Variants in UGT1A6 observed in about 807,000 individuals in gnomAD.
UGT1A6 encodes the protein UDP-glucuronosyltransferase 1A6.
A neutral mutation model predicts 44.4 loss-of-function variants in UGT1A6; 32 were observed. The ratio of observed to expected loss-of-function variants is 0.72; its 90% confidence interval spans 0.54 to 0.97. UGT1A6 has a LOEUF of 0.97. Ranked by LOEUF, UGT1A6 falls within the 50% of genes least tolerant of loss-of-function variation. UGT1A6 has a pLI of 0.00. For missense variants in UGT1A6, 685 were observed against 661.9 expected (o/e 1.03, Z -0.38); for synonymous variants, 238 against 248.5 (o/e 0.96, Z 0.40).
At chr2:233,724,602 G>A (rs1229954806) in intron 1 of UGT1A6, among the ~76,000 whole-genome samples, 3 of 135,486 alleles carry the variant, frequency 2.2e-5, no homozygotes, top group Admixed American at 7.3e-5. Flanking sequence ...CAGACGATGG[G>A]CGGCCGGGCA....
chr2:233,763,841 T>C (rs1452550547), intron 1 of UGT1A6, among the ~76,000 whole-genome samples: 1 of 152,178 alleles, frequency 6.6e-6, no homozygotes, highest in Admixed American at 6.5e-5. Context: ...CAGGGTAAGA[T>C]AGCAGTGGTT....
intron 1 of UGT1A6, among the ~76,000 whole-genome samples, chr2:233,765,584 C>A (rs1030389138): frequency 6.6e-6 from 1 of 151,846 alleles, no homozygotes; most frequent in African/African-American, 2.4e-5. Context: ...GGGAGGGGAA[C>A]AACACACACC....
At chr2:233,765,606 C>G (rs4663971) in intron 1 of UGT1A6, among the ~76,000 whole-genome samples, 75,263 of 151,312 alleles carry the variant, frequency 0.5, 19,319 homozygotes, top group African/African-American at 0.62. Context: ...GGGCTTGTGG[C>G]GGGGTGAGGG....
chr2:233,745,687 G>A (rs1693175005), intron 1 of UGT1A6, among the ~76,000 whole-genome samples: 1 of 150,802 alleles, frequency 6.6e-6, no homozygotes, highest in Non-Finnish European at 1.5e-5. Context: ...ATCAAAGCAA[G>A]TTTGGAGAAC....
chr2:233,772,858 A>G lies in UGT1A6; in HGVS notation c.*299A>G, dbSNP rs966644080. The G allele has an allele frequency of 2.8e-5, 20 of 719,678 alleles. No homozygotes were observed. The Admixed American group carries it at 5.6e-4, about 20-fold the overall frequency. 44.6% of individuals were successfully genotyped at this position (719,678 alleles called of 1,614,324 possible). ...TAGATTACTTTTCTTACTCTGAAAC[A>G]TGGCCTGTTTGGGAGTGCGGGATTC... On this transcript the variant is annotated 3_prime_UTR_variant, in exon 5 of 5. Coordinates refer to ENST00000305139, the MANE Select transcript of UGT1A6 (RefSeq NM_001072.4).
chr2:233,729,177 G>C, intron 1 of UGT1A6: 1 of 1,613,894 alleles, frequency 6.2e-7, no homozygotes, highest in Non-Finnish European at 8.5e-7. Flanking sequence ...CAGGACTGCT[G>C]CTTCTCCTCA....
intron 4 of UGT1A6, chr2:233,770,249 C>T (rs1368624656): frequency 1.3e-5 from 2 of 152,160 alleles, no homozygotes; most frequent in Non-Finnish European, 2.9e-5. Flanking sequence ...TTCCAACACT[C>T]TGAGCTGGGG....
rs1187265864 is a variant in UGT1A6 at position 233,756,550 on chromosome 2, C to T, written c.862-10484C>T. Among the ~76,000 whole-genome samples the T allele has an allele frequency of 2.0e-5, 3 of 152,052 alleles. No homozygotes were observed. In the South Asian group the frequency reaches 6.2e-4, roughly 32 times the overall value. On this transcript the variant is annotated intron_variant, in intron 1 of 4. Transcript: ENST00000305139. ...TCACTTTTCTTGACTGCTAAAACAA[C>T]CAGGGAGATCCTCTCAGACAAAAGG...
chr2:233,701,871 A>G (rs2075656901), intron 1 of UGT1A6, among the ~76,000 whole-genome samples: 1 of 152,172 alleles, frequency 6.6e-6, no homozygotes, highest in Non-Finnish European at 1.5e-5. Flanking sequence ...TTATAGCACT[A>G]AATGCCCACA....
intron 1 of UGT1A6, chr2:233,729,751 C>G (rs1485305910): frequency 6.2e-7 from 1 of 1,614,002 alleles, no homozygotes; most frequent in Middle Eastern, 1.7e-4. Flanking sequence ...GACATTCATG[C>G]AAAGGGTCAA....
At chr2:233,731,284 C>CTTTTTTTTTT (rs78127606) in intron 1 of UGT1A6, among the ~76,000 whole-genome samples, 4 of 139,758 alleles carry the variant, frequency 2.9e-5, no homozygotes, top group Non-Finnish European at 3.2e-5. Context: ...GTTTTTCTTT[C>CTTTTTTTTTT]TTTTTTTTTT....
chr2:233,740,930 T>G (rs1298950917), intron 1 of UGT1A6: 2 of 151,696 alleles, frequency 1.3e-5, no homozygotes, highest in African/African-American at 2.4e-5. Flanking sequence ...ACAAAAAGTT[T>G]TTTTTTTAAT....
Position 233,768,287 on chromosome 2 carries a change from T to C in UGT1A6, c.1149T>C (p.Asn383=), listed in dbSNP as rs1256701591. ...ATGGTGTTTATGAAAGCATATGCAA[T>C]GGCGTTCCCATGGTGATGATGCCCT... ...GSHGVYESIC[N]GVPMVMMPLF... Residue 383 remains asparagine (N), a synonymous_variant, in exon 4 of 5, where the codon AAT becomes AAC. Coordinates refer to ENST00000305139, the MANE Select transcript of UGT1A6 (RefSeq NM_001072.4). 1 of 1,614,056 alleles carries C rather than the reference T, an allele frequency of 6.2e-7. No homozygotes were observed. Among genetic ancestry groups the C allele is most frequent in the Non-Finnish European group, 8.5e-7 (1 of 1,180,042 alleles).
intron 1 of UGT1A6, among the ~76,000 whole-genome samples, chr2:233,739,561 C>T (rs1384558605): frequency 1.3e-5 from 2 of 152,192 alleles, no homozygotes; most frequent in African/African-American, 4.8e-5. Flanking sequence ...TAATGACTGC[C>T]CTGCCTGGTT....
intron 1 of UGT1A6, among the ~76,000 whole-genome samples, chr2:233,706,749 AGT>A (rs2075921847): frequency 2.0e-5 from 3 of 152,182 alleles, no homozygotes. Context: ...TGTGAAGCAG[AGT>A]GCCGTACACT....
chr2:233,713,232 G>A lies in UGT1A6; in HGVS notation c.861+19367G>A, dbSNP rs1482258510. On this transcript the variant is annotated intron_variant, in intron 1 of 4. Coordinates refer to ENST00000305139, the MANE Select transcript of UGT1A6 (RefSeq NM_001072.4). Reference sequence around the variant, plus strand: ...GAACTTTTTCACCCTGACAACGTATGCCATTTCATGGACCCAGGACGAATT... The same window carrying A: ...GAACTTTTTCACCCTGACAACGTATACCATTTCATGGACCCAGGACGAATT... 12 of 1,614,154 alleles carry A rather than the reference G, an allele frequency of 7.4e-6. No homozygotes were observed. The highest frequency in any genetic ancestry group is 9.3e-6 in the Non-Finnish European group (11 of 1,180,054).
Position 233,769,415 on chromosome 2 carries a change from G to A in UGT1A6, c.1301+976G>A. On this transcript the variant is annotated intron_variant, in intron 4 of 4. Coordinates refer to ENST00000305139, the MANE Select transcript of UGT1A6 (RefSeq NM_001072.4). This position sits in a 1 kb window ranked among gnomAD's most constrained non-coding sequence, Gnocchi z 4.4. Reference sequence around the variant, plus strand: ...TGTGTGCATATGTGCGTGTGCGTTTGTGCATGTGGCTGTGCTCATGTGTGG... The same window carrying A: ...TGTGTGCATATGTGCGTGTGCGTTTATGCATGTGGCTGTGCTCATGTGTGG... The A allele has an allele frequency of 1.4e-6, 2 of 1,401,966 alleles. No homozygotes were observed. Among genetic ancestry groups the A allele is most frequent in the Non-Finnish European group, 2.0e-6 (2 of 1,003,386 alleles). The allele number at this position is 1,401,966 out of a possible 1,614,324, so 86.8% of individuals were successfully genotyped here.
At chr2:233,706,314 T>C (rs1191867368) in intron 1 of UGT1A6, among the ~76,000 whole-genome samples, 1 of 152,208 alleles carries the variant, frequency 6.6e-6, no homozygotes, top group Non-Finnish European at 1.5e-5. Flanking sequence ...AGATAGTGCC[T>C]TTTGGAACTA....
intron 1 of UGT1A6, among the ~76,000 whole-genome samples, chr2:233,727,559 C>G (rs1406536864): frequency 6.6e-6 from 1 of 152,176 alleles, no homozygotes; most frequent in Non-Finnish European, 1.5e-5. Flanking sequence ...CTGGGCTCAT[C>G]ATGAGGGTGC....
Sources: gnomAD v4.1 joint callset for allele counts (sites outside exome capture counted in the v4.1 genomes callset) on GRCh38, gnomAD v4.1.1 for gene constraint, Gnocchi (gnomAD v3.1) non-coding constraint, MANE v1.5 for transcripts, NCBI Gene and HGNC (gene_info 2026-07-23, HGNC 2026-07-21) for gene names.